The following MESP2 variants were observed in gnomAD, a reference collection of about 807,000 sequenced individuals.
The protein encoded by MESP2 is mesoderm posterior bHLH transcription factor 2, also known as mesoderm posterior protein 2.
MESP2 carries 34 observed loss-of-function variants against 37.8 expected under a neutral mutation model. The ratio of observed to expected loss-of-function variants is 0.90; its 90% CI spans 0.68 to 1.20. The LOEUF (loss-of-function observed/expected upper bound fraction) is 1.20, where lower values mean the gene tolerates loss of function less well. Among genes scored for constraint, MESP2 ranks in the 50% most tolerant of loss-of-function variants. The probability of loss-of-function intolerance (pLI) is 0.00; values close to 1 mark genes in which losing one functional copy is unlikely to be tolerated. For synonymous variants in MESP2, 303 were observed against 251.6 expected (o/e 1.20, Z -1.93); for missense variants, 646 against 545.3 (o/e 1.18, Z -1.84).
Position 89,776,601 on chromosome 15 carries a change from C to T in MESP2, c.244C>T (p.Gln82Ter). 6.6e-7 allele frequency: 1 copy of T among 1,523,508 alleles called. No individual in the cohort carries two copies. The highest frequency in any genetic ancestry group is 8.8e-7 in the Non-Finnish European group (1 of 1,142,268). The allele number at this position is 1,523,508 out of a possible 1,614,324, so 94.4% of individuals were successfully genotyped here. ...AGCGCGCACCGGACCAGCGGGCGGACAGCGGCAGAGCGCCAGCGAGCGGGA... is the reference window on the plus strand; with the variant it reads ...AGCGCGCACCGGACCAGCGGGCGGATAGCGGCAGAGCGCCAGCGAGCGGGA... ...RRARTGPAGG[Q>*]RQSASEREKL... Residue 82 changes from glutamine (Q) to a stop codon, truncating the protein, a stop_gained, in exon 1 of 2, where the codon CAG becomes TAG. Coordinates refer to ENST00000341735, the MANE Select transcript of MESP2 (RefSeq NM_001039958.2). LOFTEE classifies it high-confidence loss of function.
In MESP2 at chr15:89,776,397, G is replaced by T. The variant is rs931639829; in HGVS notation, c.40G>T (p.Asp14Tyr). ...TCCTCCGCAGAGCCTCCTCGGCCAC[G>T]ACCACTGGATCTTCGCCCAGGGCTG... Reference protein sequence around the residue: ...SPPPQSLLGHDHWIFAQGWGW... With the variant: ...SPPPQSLLGHYHWIFAQGWGW... The change falls in exon 1 of 2, where the codon GAC (aspartate) becomes TAC (tyrosine). Residue 14 changes from aspartate to tyrosine, a missense_variant. Transcript: ENST00000341735. 2.8e-5 allele frequency: 43 copies of T among 1,532,466 alleles called. No homozygotes were observed. Among genetic ancestry groups the T allele is most frequent in the Non-Finnish European group, 3.7e-5 (42 of 1,145,870 alleles). The allele number at this position is 1,532,466 out of a possible 1,614,324, so 94.9% of individuals were successfully genotyped here. A position where few individuals can be genotyped will look rare whatever the true frequency, so the allele number is the denominator to read the frequency against.
chr15:89,776,784 G>A lies in MESP2; in HGVS notation c.427G>A (p.Glu143Lys), dbSNP rs998865794. The change falls in exon 1 of 2, where the codon GAG becomes AAG. Residue 143 changes from glutamate (E) to lysine (K), a missense_variant. Physicochemically the swap from Glu to Lys is moderately conservative, Grantham distance 56 (BLOSUM62 1). Coordinates refer to ENST00000341735, the MANE Select transcript of MESP2 (RefSeq NM_001039958.2). ...CCTATCGGCCGTGCTGGGTCTCAGC[G>A]AGGAGAGTCTGCAGTGCCGGCGCAG... is the stretch of plus-strand genomic sequence containing the variant. The part of the protein sequence containing the change: ...GHLSAVLGLS[E>K]ESLQCRRRQR... 7.9e-6 allele frequency: 12 copies of A among 1,515,414 alleles called. No homozygotes were observed. Among genetic ancestry groups the A allele is most frequent in the Non-Finnish European group, 1.1e-5 (12 of 1,138,708 alleles). 93.9% of individuals were successfully genotyped at this position (1,515,414 alleles called of 1,614,324 possible).
chr15:89,778,087 C>A lies in MESP2; in HGVS notation c.947C>A (p.Pro316His). The A allele has an allele frequency of 6.2e-7, 1 of 1,613,716 alleles. No homozygotes were observed. The highest frequency in any genetic ancestry group is 8.5e-7 in the Non-Finnish European group (1 of 1,180,026). ...VYQGLSVSPE[P>H]CLSLGAPSLL... ...CAGGGTCTCTCTGTGTCTCCAGAGC[C>A]CTGTCTGTCGCTGGGAGCTCCATCT... Residue 316 changes from proline to histidine, a missense_variant, in exon 2 of 2, where the codon CCC becomes CAC. Physicochemically the swap from Pro to His is moderately conservative, Grantham distance 77. Transcript: ENST00000341735.
rs1166072885 is a variant in MESP2 at position 89,776,670 on chromosome 15, C to A, written c.313C>A (p.Arg105Ser). The change falls in exon 1 of 2, where the codon CGC (arginine) becomes AGC (serine). Residue 105 changes from arginine (R) to serine (S), a missense_variant. Transcript: ENST00000341735. ...GCTGGCCCGCGCCCTGCACGAGTTG[C>A]GCCGCTTTCTGCCTCCCTCCTTGGC... is the stretch of plus-strand genomic sequence containing the variant. The part of the protein sequence containing the change: ...RTLARALHEL[R>S]RFLPPSLAPA... 3.9e-6 allele frequency: 6 copies of A among 1,541,440 alleles called. No individual in the cohort carries two copies. In the African/African-American group the frequency reaches 4.3e-5, roughly 11 times the overall value.
At chr15:89,778,043 G>T (rs754298708) in intron 1 of MESP2, 22 bp from the exon 2 acceptor site, 5 of 1,612,228 alleles carry the variant, frequency 3.1e-6, no homozygotes, top group Non-Finnish European at 4.2e-6. Flanking sequence ...CACTAACCAG[G>T]CTGCTCTCAT....
In MESP2 at chr15:89,778,598, G is replaced by A. The variant is rs1018265701; in HGVS notation, c.*264G>A. ...ACAGTCTGAGCTGCTCTAAGAAGGGGTCTCCTTTACCCTAAAGGCAGCTGG... is the reference window on the plus strand; with the variant it reads ...ACAGTCTGAGCTGCTCTAAGAAGGGATCTCCTTTACCCTAAAGGCAGCTGG... On this transcript the variant is annotated 3_prime_UTR_variant, in exon 2 of 2. Transcript: ENST00000341735. 31 of 532,802 alleles carry A rather than the reference G, an allele frequency of 5.8e-5. No individual in the cohort carries two copies. Among genetic ancestry groups the A allele is most frequent in the East Asian group, 3.4e-5 (1 of 29,404 alleles). The allele number at this position is 532,802 out of a possible 1,614,324, so 33.0% of individuals were successfully genotyped here.
chr15:89,777,164 G>T lies in MESP2; in HGVS notation c.807G>T (p.Ala269=). ...PYSSQGTTSD[A]SLWTPPQGCP... ...CGTCCCAAGGGACAACCTCCGACGC[G>T]TCTCTTTGGACGCCACCCCAAGGCT... The change falls in exon 1 of 2, where the codon GCG becomes GCT. Residue 269 remains alanine (A), a synonymous_variant. Transcript: ENST00000341735. 2 of 1,612,894 alleles carry T rather than the reference G, an allele frequency of 1.2e-6. No homozygotes were observed. The highest frequency in any genetic ancestry group is 1.1e-5 in the South Asian group (1 of 91,046).
chr15:89,777,156 T>G lies in MESP2; in HGVS notation c.799T>G (p.Ser267Ala). 1 of 1,612,908 alleles carries G rather than the reference T, an allele frequency of 6.2e-7. No individual in the cohort carries two copies. The highest frequency in any genetic ancestry group is 1.6e-4 in the Middle Eastern group (1 of 6,062). ...SPPYSSQGTT[S>A]DASLWTPPQG... ...CCCGTATTCGTCCCAAGGGACAACC[T>G]CCGACGCGTCTCTTTGGACGCCACC... Residue 267 changes from serine to alanine, a missense_variant, in exon 1 of 2, where the codon TCC becomes GCC. Coordinates refer to ENST00000341735, the MANE Select transcript of MESP2 (RefSeq NM_001039958.2).
rs1491197160 is a variant in MESP2 at position 89,776,913 on chromosome 15, C to CA, written c.557dup (p.Gln188AlafsTer179). On this transcript the variant is annotated frameshift_variant, in exon 1 of 2. Coordinates refer to ENST00000341735, the MANE Select transcript of MESP2 (RefSeq NM_001039958.2). LOFTEE classifies it high-confidence loss of function. ...GGAGGGGCAGGGGCAAGGGCAGGGG[C>CA]AGGGGCAGGGGCAAGGGCAGGGGCA... 16 of 7,228 alleles carry CA rather than the reference C, an allele frequency of 2.2e-3. No individual in the cohort carries two copies. In the South Asian group the frequency reaches 0.035, roughly 16 times the overall value. The allele number at this position is 7,228 out of a possible 1,614,324, so 0.4% of individuals were successfully genotyped here.
At chr15:89,777,362 C>A in intron 1 of MESP2, 81 bp downstream of exon 1, 1 of 1,424,250 alleles carries the variant, frequency 7.0e-7, no homozygotes, top group Non-Finnish European at 9.4e-7. Context: ...AGCTTATCTA[C>A]TCCAGGATTA....
Position 89,776,859 on chromosome 15 carries a change from C to T in MESP2, c.502C>T (p.Arg168Cys). ...SPWGCPLCPD[R>C]GPAEAQTQAE... ...TTGGGGCTGCCCGCTGTGCCCCGAC[C>T]GTGGCCCCGCAGAGGCGCAGACGCA... The change falls in exon 1 of 2, where the codon CGT becomes TGT. Residue 168 changes from arginine (R) to cysteine (C), a missense_variant. Coordinates refer to ENST00000341735, the MANE Select transcript of MESP2 (RefSeq NM_001039958.2). The T allele has an allele frequency of 6.9e-7, 1 of 1,458,476 alleles. No individual in the cohort carries two copies. The highest frequency in any genetic ancestry group is 9.0e-7 in the Non-Finnish European group (1 of 1,112,200). 90.3% of individuals were successfully genotyped at this position (1,458,476 alleles called of 1,614,324 possible). A position where few individuals can be genotyped will look rare whatever the true frequency, so the allele number is the denominator to read the frequency against.
rs1479796014 is a variant in MESP2, at chr15:89,778,287, C to T, written c.1147C>T (p.Leu383Phe). 1 of 1,612,948 alleles carries T rather than the reference C, an allele frequency of 6.2e-7. No individual in the cohort carries two copies. The highest frequency in any genetic ancestry group is 1.3e-5 in the African/African-American group (1 of 74,936). Residue 383 changes from leucine to phenylalanine, a missense_variant, in exon 2 of 2, where the codon CTT becomes TTT. By Grantham distance (22) the Leu-to-Phe change is conservative. Transcript: ENST00000341735. ...SGLRFSGCPE[L>F]WQEDLEGARL... ...CCTGCGGTTCAGTGGCTGCCCTGAA[C>T]TTTGGCAAGAAGATCTGGAGGGGGC...
rs765211311 is a variant in MESP2 at position 89,778,342 on chromosome 15, C to T, written c.*8C>T. 24 of 1,613,060 alleles carry T rather than the reference C, an allele frequency of 1.5e-5. No homozygotes were observed. The highest frequency in any genetic ancestry group is 4.4e-5 in the South Asian group (4 of 91,084). Reference sequence around the variant, plus strand: ...CTGGGCATCTTCTACTAAATGGCCTCGGCTTCCCTCTTTCCATCCAGGAAT... The same window carrying T: ...CTGGGCATCTTCTACTAAATGGCCTTGGCTTCCCTCTTTCCATCCAGGAAT... On this transcript the variant is annotated 3_prime_UTR_variant, in exon 2 of 2. Coordinates refer to ENST00000341735, the MANE Select transcript of MESP2 (RefSeq NM_001039958.2).
Position 89,776,723 on chromosome 15 carries a change from C to A in MESP2, c.366C>A (p.Ile122=), listed in dbSNP as rs1357137601. 1.3e-6 allele frequency: 2 copies of A among 1,558,876 alleles called. No homozygotes were observed. Among genetic ancestry groups the A allele is most frequent in the Non-Finnish European group, 1.7e-6 (2 of 1,158,430 alleles). The change falls in exon 1 of 2, where the codon ATC becomes ATA. Residue 122 remains isoleucine (I), a synonymous_variant. Transcript: ENST00000341735. ...CGGCCGGCCAGAGCCTGACCAAGAT[C>A]GAGACGCTGCGCCTGGCCATCCGCT... ...LAPAGQSLTK[I]ETLRLAIRYI...
chr15:89,777,473 C>T (rs981558762), intron 1 of MESP2, among the ~76,000 whole-genome samples, 192 bp downstream of exon 1: 13 of 152,192 alleles, frequency 8.5e-5, no homozygotes, highest in Non-Finnish European at 1.6e-4. Flanking sequence ...AAGCAGTCTT[C>T]ACAGCCATGG....
chr15:89,777,230 A>G lies in MESP2; in HGVS notation c.873A>G (p.Pro291=). ...CGTCCCCAGAGCCCCGGAACCCACCAGTGCCCTGGACGGCGGCCCCAGCAA... is the reference window on the plus strand; with the variant it reads ...CGTCCCCAGAGCCCCGGAACCCACCGGTGCCCTGGACGGCGGCCCCAGCAA... ...TQSSPEPRNP[P]VPWTAAPATL... is the part of the protein sequence containing the mutation. Residue 291 remains proline, a synonymous_variant, in exon 1 of 2, where the codon CCA becomes CCG. Coordinates refer to ENST00000341735, the MANE Select transcript of MESP2 (RefSeq NM_001039958.2). The G allele has an allele frequency of 6.2e-7, 1 of 1,612,224 alleles. No individual in the cohort carries two copies. The highest frequency in any genetic ancestry group is 8.5e-7 in the Non-Finnish European group (1 of 1,179,602).
At position 89,776,486 on chromosome 15, in the gene MESP2, C is replaced by T. The variant is rs1042320905; in HGVS notation, c.129C>T (p.Cys43=). ...CCTCCTCCGATTCGTCGGGTTCGTG[C>T]CCCTGCGACGGCGCCCGCGGACTCC... ...PASSSDSSGS[C]PCDGARGLPQ... is the part of the protein sequence containing the mutation. Residue 43 remains cysteine, a synonymous_variant, in exon 1 of 2, where the codon TGC becomes TGT. Transcript: ENST00000341735. 6 of 1,533,744 alleles carry T rather than the reference C, an allele frequency of 3.9e-6. No individual in the cohort carries two copies. The highest frequency in any genetic ancestry group is 4.4e-4 in the Middle Eastern group (2 of 4,536).
chr15:89,778,039 C>T (rs761113695), intron 1 of MESP2, 26 bp from the exon 2 acceptor site: 1 of 1,612,172 alleles, frequency 6.2e-7, no homozygotes, highest in Non-Finnish European at 8.5e-7. Flanking sequence ...AGCCCACTAA[C>T]CAGGCTGCTC....
intron 1 of MESP2, 129 bp downstream of exon 1, chr15:89,777,410 G>A (rs1469716466): frequency 1.8e-6 from 2 of 1,091,214 alleles, no homozygotes; most frequent in Non-Finnish European, 2.5e-6. Context: ...CCCCGGCTCC[G>A]TGGGAGAAGA....
Sources: gnomAD v4.1 joint callset for allele counts (sites outside exome capture counted in the v4.1 genomes callset) on GRCh38, gnomAD v4.1.1 for gene constraint, MANE v1.5 for transcripts, NCBI Gene and HGNC (gene_info 2026-07-23, HGNC 2026-07-21) for gene names.